TAOK3: variants seen among roughly 807,000 people sequenced by gnomAD.
The protein encoded by TAOK3 is TAO kinase 3.
A neutral mutation model predicts 120.4 loss-of-function variants in TAOK3; 40 were observed. The observed-to-expected ratio is 0.33, with a 90% CI of 0.26 to 0.43. The LOEUF (loss-of-function observed/expected upper bound fraction) is 0.43, where lower values mean the gene tolerates loss of function less well. Ranked by LOEUF, TAOK3 falls within the 20% of genes least tolerant of loss-of-function variation. TAOK3 has a pLI of 1.00. For missense variants in TAOK3, 821 were observed against 1,112.1 expected (o/e 0.74, Z 3.72); for synonymous variants, 355 against 387.5 (o/e 0.92, Z 0.99).
intron 17 of TAOK3, among the ~76,000 whole-genome samples, chr12:118,162,675 A>AG (rs1020442357): frequency 2.0e-5 from 3 of 152,102 alleles, no homozygotes; most frequent in Admixed American, 6.6e-5. Flanking sequence ...GGAAAAAAAA[A>AG]CAGATGAGAT....
At chr12:118,211,783 A>G (rs981869082) in intron 11 of TAOK3, among the ~76,000 whole-genome samples, 1 of 151,968 alleles carries the variant, frequency 6.6e-6, no homozygotes, top group African/African-American at 2.4e-5. Context: ...ACCCAGCTCC[A>G]CATTTTTTCC....
intron 1 of TAOK3, among the ~76,000 whole-genome samples, chr12:118,274,417 C>T (rs148007175): frequency 6.6e-6 from 1 of 152,090 alleles, no homozygotes; most frequent in East Asian, 1.9e-4. Context: ...CAATGATAAC[C>T]TTTAGACTAC....
chr12:118,354,557 C>A (rs1189983947), intron 1 of TAOK3, among the ~76,000 whole-genome samples: 2 of 151,886 alleles, frequency 1.3e-5, no homozygotes, highest in Non-Finnish European at 2.9e-5. Context: ...TGAGGCCAGA[C>A]CGGATTTGGC....
At chr12:118,280,780 C>T (rs547925637) in intron 1 of TAOK3, among the ~76,000 whole-genome samples, 1 of 152,330 alleles carries the variant, frequency 6.6e-6, no homozygotes, top group East Asian at 1.9e-4. Flanking sequence ...CTGTAAATTG[C>T]TTTGGGCAGT....
At chr12:118,251,337 T>C (rs1176253173) in intron 3 of TAOK3, among the ~76,000 whole-genome samples, 1 of 152,224 alleles carries the variant, frequency 6.6e-6, no homozygotes, top group African/African-American at 2.4e-5. Context: ...GTACTGCCCA[T>C]GTGACCACTA....
At chr12:118,328,812 A>G (rs1258364291) in intron 1 of TAOK3, among the ~76,000 whole-genome samples, 6 of 152,260 alleles carry the variant, frequency 3.9e-5, no homozygotes, top group Non-Finnish European at 7.3e-5. Context: ...CAAGATAACA[A>G]GTGGATATTT....
intron 9 of TAOK3, among the ~76,000 whole-genome samples, chr12:118,230,241 G>T (rs1363652146): frequency 6.6e-6 from 1 of 151,938 alleles, no homozygotes; most frequent in Non-Finnish European, 1.5e-5. Flanking sequence ...TTTCCCCATT[G>T]ATCTGTAACG....
chr12:118,310,670 T>A (rs1163404827), intron 1 of TAOK3, among the ~76,000 whole-genome samples: 1 of 152,178 alleles, frequency 6.6e-6, no homozygotes, highest in African/African-American at 2.4e-5. Context: ...ATCTATTTGA[T>A]ATAATTTATT....
intron 1 of TAOK3, among the ~76,000 whole-genome samples, chr12:118,267,322 T>C (rs2041493928): frequency 6.6e-6 from 1 of 151,782 alleles, no homozygotes; most frequent in African/African-American, 2.4e-5. Flanking sequence ...TTCAAGCAAT[T>C]CTCCTGCCTC....
At chr12:118,157,331 T>C (rs1364360682) in intron 19 of TAOK3, among the ~76,000 whole-genome samples, 1 of 152,204 alleles carries the variant, frequency 6.6e-6, no homozygotes, top group African/African-American at 2.4e-5. Context: ...CCCTGCTTAA[T>C]ACCCTCCAGT....
chr12:118,276,100 A>C (rs749121122), intron 1 of TAOK3, among the ~76,000 whole-genome samples: 4 of 152,202 alleles, frequency 2.6e-5, no homozygotes, highest in Non-Finnish European at 5.9e-5. Flanking sequence ...ATTTCATGAG[A>C]GATGCCACTT....
intron 9 of TAOK3, among the ~76,000 whole-genome samples, chr12:118,232,777 T>A (rs561224599): frequency 6.6e-6 from 1 of 152,098 alleles, no homozygotes; most frequent in East Asian, 1.9e-4. Context: ...TGGTGGCAGG[T>A]GCCTATAATC....
chr12:118,282,063 T>C (rs73205531), intron 1 of TAOK3, among the ~76,000 whole-genome samples: 15,406 of 152,248 alleles, frequency 0.1, 993 homozygotes, highest in Middle Eastern at 0.15. Flanking sequence ...AAAAATGGAA[T>C]GTTTTCTAGA....
chr12:118,352,820 C>T lies in TAOK3; in HGVS notation c.-194+19828G>A, dbSNP rs560299308. The stretch of plus-strand genomic sequence containing the variant: ...CCACCACTGGGATTCAAGCAATTCT[C>T]CTGCCTCAGCCTCCCAAGTAGCTGG... On this transcript the variant is annotated intron_variant, in intron 1 of 20. Coordinates refer to ENST00000392533, the MANE Select transcript of TAOK3 (RefSeq NM_016281.4). 2.2e-4 allele frequency among the ~76,000 whole-genome samples: 33 copies of T among 152,238 alleles called. No homozygotes were observed. The East Asian group carries it at 6.2e-3, about 29-fold the overall frequency.
chr12:118,337,318 T>G (rs372383329), intron 1 of TAOK3, among the ~76,000 whole-genome samples: 1 of 152,326 alleles, frequency 6.6e-6, no homozygotes, highest in East Asian at 1.9e-4. Context: ...CTCTCTTACA[T>G]GTAGAATGGT....
At chr12:118,216,437 A>G (rs925764426) in intron 9 of TAOK3, among the ~76,000 whole-genome samples, 1 of 152,186 alleles carries the variant, frequency 6.6e-6, no homozygotes, top group African/African-American at 2.4e-5. Context: ...TTTTCTCTCA[A>G]AAGAAATCAT....
intron 1 of TAOK3, among the ~76,000 whole-genome samples, chr12:118,313,445 T>G (rs1310614194): frequency 6.6e-6 from 1 of 152,056 alleles, no homozygotes; most frequent in African/African-American, 2.4e-5. Flanking sequence ...CTTGGCTAAT[T>G]TTTGTATTTT....
At chr12:118,211,504 T>C (rs982285587) in intron 11 of TAOK3, among the ~76,000 whole-genome samples, 5 of 152,186 alleles carry the variant, frequency 3.3e-5, no homozygotes, top group African/African-American at 1.2e-4. Context: ...TAAACTGTTA[T>C]GTTTTTTCTC....
chr12:118,177,383 A>T, intron 15 of TAOK3, 54 bp from the exon 16 acceptor site: 2 of 1,558,186 alleles, frequency 1.3e-6, no homozygotes, highest in Non-Finnish European at 8.8e-7. Flanking sequence ...CACAGAATTC[A>T]GTGATCTATA....
Sources: allele counts gnomAD v4.1 joint callset (sites outside exome capture counted in the v4.1 genomes callset), GRCh38; gene constraint gnomAD v4.1.1; transcripts MANE v1.5; gene names NCBI Gene and HGNC (gene_info 2026-07-23, HGNC 2026-07-21).